CDH4: variants seen among roughly 807,000 people sequenced by gnomAD.
The protein encoded by CDH4 is cadherin 4.
CDH4 carries 33 observed loss-of-function variants against 86.0 expected under a neutral mutation model. The ratio of observed to expected loss-of-function variants is 0.38; its 90% CI spans 0.29 to 0.51. The LOEUF is 0.51. CDH4 is among the 20% of genes least tolerant of loss of function. The probability of loss-of-function intolerance (pLI) is 0.86; values close to 1 mark genes in which losing one functional copy is unlikely to be tolerated. For missense variants in CDH4, 1,114 were observed against 1,307.4 expected, an observed-to-expected ratio of 0.85 and a Z score of 2.28; for synonymous variants, 555 against 549.4, an observed-to-expected ratio of 1.01 and a Z score of -0.14.
At chr20:61,385,242 A>G (rs1363909401) in intron 2 of CDH4, among the ~76,000 whole-genome samples, 1 of 152,074 alleles carries the variant, frequency 6.6e-6, no homozygotes, top group Non-Finnish European at 1.5e-5. Flanking sequence ...TTAACCTTAT[A>G]CGGAGGATGT....
At chr20:61,643,422 G>A (rs904288840) in intron 2 of CDH4, among the ~76,000 whole-genome samples, 2 of 152,186 alleles carry the variant, frequency 1.3e-5, no homozygotes, top group Middle Eastern at 3.2e-3. Flanking sequence ...CCATAGCACC[G>A]TGTAAGGTCA....
At chr20:61,849,868 G>A (rs1213785231) in intron 5 of CDH4, among the ~76,000 whole-genome samples, 1 of 152,198 alleles carries the variant, frequency 6.6e-6, no homozygotes, top group African/African-American at 2.4e-5. Context: ...AGCCCAGTGG[G>A]GAGGGAACAC....
intron 2 of CDH4, among the ~76,000 whole-genome samples, chr20:61,653,478 G>C (rs1290393910): frequency 3.7e-5 from 5 of 136,524 alleles, no homozygotes; most frequent in Admixed American, 7.2e-5. Flanking sequence ...GGTCGTGGCC[G>C]GGCAGAGGGG....
At chr20:61,924,604 G>A in intron 11 of CDH4, 128 bp downstream of exon 11, 1 of 964,394 alleles carries the variant, frequency 1.0e-6, no homozygotes. Flanking sequence ...CACCCAGAGG[G>A]GCTGAGGGGG....
chr20:61,524,686 C>T (rs1273288329), intron 2 of CDH4, among the ~76,000 whole-genome samples: 4 of 152,098 alleles, frequency 2.6e-5, no homozygotes, highest in African/African-American at 7.2e-5. Context: ...GGTTTTCCCA[C>T]GTTGCCCAGG....
At chr20:61,262,964 T>TGA (rs11472416) in intron 2 of CDH4, among the ~76,000 whole-genome samples, 79,247 of 147,984 alleles carry the variant, frequency 0.54, 21,452 homozygotes, top group Admixed American at 0.61. Context: ...AATCATGAAC[T>TGA]GAGAGAGAGA....
At chr20:61,871,804 C>T (rs937097117) in intron 6 of CDH4, among the ~76,000 whole-genome samples, 6 of 152,244 alleles carry the variant, frequency 3.9e-5, no homozygotes, top group Admixed American at 1.3e-4. Context: ...CTATAATTCA[C>T]GTGCCATACA....
chr20:61,422,424 CAAAAAAAAAAAAAAAAAAAAA>C (rs869235928), intron 2 of CDH4, among the ~76,000 whole-genome samples: 20 of 22,262 alleles, frequency 9.0e-4, no homozygotes, highest in South Asian at 4.5e-3. Context: ...AACTCCGTCT[CAAAAAAAAAAAAAAAAAAAAA>C]AAAAAAAAAA....
intron 2 of CDH4, among the ~76,000 whole-genome samples, chr20:61,597,327 G>A (rs560563230): frequency 2.6e-4 from 40 of 152,296 alleles, no homozygotes; most frequent in African/African-American, 6.5e-4. Flanking sequence ...TGCCCCCTGC[G>A]CTCCTTTTCC....
intron 2 of CDH4, among the ~76,000 whole-genome samples, chr20:61,418,172 G>A (rs1295916035): frequency 6.6e-6 from 1 of 151,452 alleles, no homozygotes; most frequent in African/African-American, 2.4e-5. Context: ...TGAAAGATGA[G>A]TTTGCAAGCT....
intron 2 of CDH4, among the ~76,000 whole-genome samples, chr20:61,407,669 G>A (rs2085091698): frequency 6.6e-6 from 1 of 152,226 alleles, no homozygotes; most frequent in Non-Finnish European, 1.5e-5. Context: ...GGAATGTGCA[G>A]ATAAGCTGTA....
intron 7 of CDH4, among the ~76,000 whole-genome samples, chr20:61,877,113 G>A (rs2146155744): frequency 6.6e-6 from 1 of 152,268 alleles, no homozygotes; most frequent in South Asian, 2.1e-4. Context: ...GCATTCCTGT[G>A]GGCATGTCAA....
chr20:61,612,226 G>A (rs1423768369), intron 2 of CDH4, among the ~76,000 whole-genome samples: 1 of 151,950 alleles, frequency 6.6e-6, no homozygotes, highest in African/African-American at 2.4e-5. Flanking sequence ...TCTTTATGCT[G>A]GAAACATTCA....
chr20:61,802,280 G>T (rs986357285), intron 4 of CDH4, among the ~76,000 whole-genome samples: 1 of 152,332 alleles, frequency 6.6e-6, no homozygotes, highest in Non-Finnish European at 1.5e-5. Flanking sequence ...GAGAGGTCAG[G>T]ATTCTCACTC....
chr20:61,564,402 G>A (rs1249799539), intron 2 of CDH4, among the ~76,000 whole-genome samples: 4 of 152,132 alleles, frequency 2.6e-5, no homozygotes, highest in African/African-American at 9.7e-5. Flanking sequence ...TTGGATCTTG[G>A]GGGTAGATCC....
intron 2 of CDH4, among the ~76,000 whole-genome samples, chr20:61,697,218 A>T (rs946971370): frequency 6.6e-6 from 1 of 152,190 alleles, no homozygotes; most frequent in African/African-American, 2.4e-5. Flanking sequence ...GATGGAAAGG[A>T]TGGAAGATGC....
chr20:61,263,156 A>G (rs1359831980), intron 2 of CDH4, among the ~76,000 whole-genome samples: 3 of 152,048 alleles, frequency 2.0e-5, no homozygotes, highest in African/African-American at 4.8e-5. Flanking sequence ...ACCTCATGGC[A>G]TTTGCAGGCT....
intron 2 of CDH4, among the ~76,000 whole-genome samples, chr20:61,362,278 T>C (rs1380034335): frequency 6.6e-6 from 1 of 151,756 alleles, no homozygotes; most frequent in African/African-American, 2.4e-5. Context: ...TTTGGGGTGA[T>C]GGAAGCCACA....
chr20:61,318,844 C>T (rs534844087), intron 2 of CDH4, among the ~76,000 whole-genome samples: 4 of 152,338 alleles, frequency 2.6e-5, no homozygotes, highest in South Asian at 2.1e-4. Flanking sequence ...TCTTTTCATT[C>T]GTTTATTCAC....
Sources: gnomAD v4.1 joint callset for allele counts (sites outside exome capture counted in the v4.1 genomes callset) on GRCh38, gnomAD v4.1.1 for gene constraint, MANE v1.5 for transcripts, NCBI Gene and HGNC (gene_info 2026-07-23, HGNC 2026-07-21) for gene names.